TIAM2: variants seen among roughly 807,000 people sequenced by gnomAD.
TIAM2 encodes the protein TIAM Rac1 associated GEF 2.
A neutral mutation model predicts 152.9 loss-of-function variants in TIAM2; 80 were observed. That is an observed-to-expected ratio of 0.52 (90% CI 0.44 to 0.63). The LOEUF (loss-of-function observed/expected upper bound fraction) is 0.63. TIAM2 is among the 30% of genes least tolerant of loss of function. The pLI is 0.00. For missense variants in TIAM2, 1,965 were observed against 2,120.1 expected, an observed-to-expected ratio of 0.93 and a Z score of 1.44; for synonymous variants, 804 against 838.0, an observed-to-expected ratio of 0.96 and a Z score of 0.70.
intron 20 of TIAM2, 32 bp downstream of exon 20, chr6:155,248,211 C>G: frequency 6.2e-7 from 1 of 1,602,764 alleles, no homozygotes; most frequent in Non-Finnish European, 8.5e-7. Flanking sequence ...CGGGCGAGGG[C>G]CTGCACAGGG....
rs188960315 is a variant in TIAM2 at position 155,207,520 on chromosome 6, C to T, written c.3065-3684C>T. ...GTAGAACACCGCTGAGATTTCCTGT[C>T]TTGGCGGATCTCAGGAACTGTCCAC... On this transcript the variant is annotated intron_variant, in intron 14 of 26. Transcript: ENST00000682666. Among the ~76,000 whole-genome samples the T allele has an allele frequency of 2.0e-5, 3 of 152,340 alleles. No individual in the cohort carries two copies. In the East Asian group the frequency reaches 5.8e-4, roughly 29 times the overall value.
chr6:155,200,380 T>C (rs957968948), intron 14 of TIAM2, among the ~76,000 whole-genome samples: 2 of 152,238 alleles, frequency 1.3e-5, no homozygotes, highest in Non-Finnish European at 2.9e-5. Flanking sequence ...TTTGGAACCC[T>C]CTTATGGTGG....
chr6:155,031,043 T>G (rs1286548368), intron 1 of TIAM2, among the ~76,000 whole-genome samples: 2 of 152,220 alleles, frequency 1.3e-5, no homozygotes, highest in Non-Finnish European at 2.9e-5. Context: ...CTTTGTTGTG[T>G]GTGGCTAAGA....
In TIAM2 at chr6:155,257,583, TAGA is replaced by T. The variant is rs2114652092; in HGVS notation, c.*463_*465del. ...GTGCAGATACTTCATTTTTGTAAGA[TAGA>T]TTGTAATAGATGCTGTTTATACTAA... On this transcript the variant is annotated 3_prime_UTR_variant, in exon 27 of 27. Transcript: ENST00000682666. 1 of 40,248 alleles carries T rather than the reference TAGA, an allele frequency of 2.5e-5. No individual in the cohort carries two copies. The highest frequency in any genetic ancestry group is 3.6e-5 in the Non-Finnish European group (1 of 27,454). 2.5% of individuals were successfully genotyped at this position (40,248 alleles called of 1,614,324 possible).
intron 1 of TIAM2, among the ~76,000 whole-genome samples, chr6:155,066,749 A>AGTTT (rs955410981): frequency 2.9e-4 from 44 of 151,406 alleles, no homozygotes; most frequent in Admixed American, 1.3e-3. Flanking sequence ...GTTGATTACA[A>AGTTT]GTTTGTTTGT....
intron 14 of TIAM2, among the ~76,000 whole-genome samples, chr6:155,203,069 A>AAAAAAAAG (rs1562352496): frequency 6.7e-6 from 1 of 148,724 alleles, no homozygotes; most frequent in African/African-American, 2.5e-5. Context: ...AAAAAAAAAA[A>AAAAAAAAG]AGAGAAAGAT....
chr6:155,114,747 T>C (rs1351295081), intron 2 of TIAM2, among the ~76,000 whole-genome samples: 3 of 152,070 alleles, frequency 2.0e-5, no homozygotes, highest in Admixed American at 1.3e-4. Context: ...AAAATACCCT[T>C]AGAGAAGGAT....
intron 1 of TIAM2, among the ~76,000 whole-genome samples, chr6:155,053,236 G>T (rs1777360063): frequency 6.6e-6 from 1 of 152,180 alleles, no homozygotes; most frequent in African/African-American, 2.4e-5. Context: ...AAAGAGCAAA[G>T]GAGGAAGGCA....
chr6:155,254,003 T>G lies in TIAM2; in HGVS notation c.4256T>G (p.Ile1419Ser). 6.2e-7 allele frequency: 1 copy of G among 1,614,114 alleles called. No individual in the cohort carries two copies. The highest frequency in any genetic ancestry group is 8.5e-7 in the Non-Finnish European group (1 of 1,179,988). ...GTENNSIWEL[I>S]HTKSEIEGRP... The stretch of plus-strand genomic sequence containing the variant: ...GAAAATAATTCCATATGGGAACTGA[T>G]CCATACGAAGTCAGAAATAGAAGGA... The change falls in exon 25 of 27, where the codon ATC becomes AGC. Residue 1419 changes from isoleucine to serine, a missense_variant. Ile to Ser is a moderately radical substitution (Grantham distance 142). Transcript: ENST00000682666.
intron 14 of TIAM2, among the ~76,000 whole-genome samples, chr6:155,202,819 C>G (rs1781503764): frequency 6.7e-6 from 1 of 149,316 alleles, no homozygotes; most frequent in Admixed American, 6.7e-5. Context: ...GGGTGGATCA[C>G]TCGAGGTTAG....
chr6:155,245,218 G>A (rs1430421062), intron 18 of TIAM2, among the ~76,000 whole-genome samples: 5 of 152,218 alleles, frequency 3.3e-5, no homozygotes, highest in East Asian at 1.9e-4. Flanking sequence ...CATAGCATCC[G>A]TGTAAGCCGC....
chr6:155,139,579 G>A (rs899692619), intron 5 of TIAM2, among the ~76,000 whole-genome samples: 2 of 152,182 alleles, frequency 1.3e-5, no homozygotes, highest in Non-Finnish European at 2.9e-5. Context: ...AGATAAGAAA[G>A]TTCTGCTTTA....
At chr6:155,191,145 A>C (rs1781193351) in intron 14 of TIAM2, among the ~76,000 whole-genome samples, 2 of 152,200 alleles carry the variant, frequency 1.3e-5, no homozygotes, top group Admixed American at 1.3e-4. Flanking sequence ...GGTGACAGCT[A>C]AGTCCCCCTA....
At position 155,108,971 on chromosome 6, in the gene TIAM2, G is replaced by A. The variant is rs545878514; in HGVS notation, c.-117-18519G>A. Among the ~76,000 whole-genome samples, 7 of 152,106 alleles carry A rather than the reference G, an allele frequency of 4.6e-5. No homozygotes were observed. In the East Asian group the frequency reaches 1.4e-3, roughly 29 times the overall value. ...TAAATCAGGTTAGTGAGATCCCTTAGTTCAACTTTTTCTTTTTTGTTTTTT... is the reference window on the plus strand; with the variant it reads ...TAAATCAGGTTAGTGAGATCCCTTAATTCAACTTTTTCTTTTTTGTTTTTT... On this transcript the variant is annotated intron_variant, in intron 2 of 26. Transcript: ENST00000682666.
chr6:155,251,517 C>T (rs1583289764), intron 22 of TIAM2, among the ~76,000 whole-genome samples: 1 of 152,198 alleles, frequency 6.6e-6, no homozygotes, highest in East Asian at 1.9e-4. Flanking sequence ...GAACTCCTGA[C>T]CTCAGGTGAT....
intron 23 of TIAM2, 146 bp from the exon 24 acceptor site, chr6:155,252,802 G>A: frequency 6.1e-6 from 4 of 653,850 alleles, no homozygotes; most frequent in Non-Finnish European, 1.1e-5. Context: ...TGGGTGCGTA[G>A]CTGATTGACT....
At chr6:155,247,554 G>C (rs1036618721) in intron 19 of TIAM2, among the ~76,000 whole-genome samples, 5 of 152,050 alleles carry the variant, frequency 3.3e-5, no homozygotes, top group Admixed American at 2.0e-4. Flanking sequence ...TCTCGAACTC[G>C]TGACCTCAGG....
At chr6:155,116,257 G>T (rs1779008509) in intron 2 of TIAM2, among the ~76,000 whole-genome samples, 1 of 152,076 alleles carries the variant, frequency 6.6e-6, no homozygotes, top group South Asian at 2.1e-4. Context: ...CTATAAAGTT[G>T]TTAGCTAAAA....
In TIAM2 at chr6:155,129,075, A is replaced by G; in HGVS notation, c.-6-143A>G. ...AAAATAAGGAGAGCCTGTTCTACTG[A>G]CTGACTCTTGTCCCTACTCCTCTGA... On this transcript the variant is annotated intron_variant, in intron 3 of 26. Coordinates refer to ENST00000682666, the MANE Select transcript of TIAM2 (RefSeq NM_012454.4). The surrounding 1 kb of genome is among the most constrained non-coding windows in gnomAD (Gnocchi z 4.8). 1.4e-6 allele frequency: 1 copy of G among 705,786 alleles called. No individual in the cohort carries two copies. The highest frequency in any genetic ancestry group is 2.3e-6 in the Non-Finnish European group (1 of 432,372). 43.7% of individuals were successfully genotyped at this position (705,786 alleles called of 1,614,324 possible).
Sources: gnomAD v4.1 joint callset for allele counts (sites outside exome capture counted in the v4.1 genomes callset) on GRCh38, gnomAD v4.1.1 for gene constraint, Gnocchi (gnomAD v3.1) non-coding constraint, MANE v1.5 for transcripts, NCBI Gene and HGNC (gene_info 2026-07-23, HGNC 2026-07-21) for gene names.